The following NXPH1 variants were observed in gnomAD, a reference collection of about 807,000 sequenced individuals.
NXPH1 encodes the protein neurexophilin-1.
NXPH1 carries 5 observed loss-of-function variants against 23.7 expected under a neutral mutation model. The ratio of observed to expected loss-of-function variants is 0.21; its 90% CI spans 0.11 to 0.44. The LOEUF is 0.44. NXPH1 is among the 20% of genes least tolerant of loss of function. NXPH1 has a pLI of 0.99. For synonymous variants in NXPH1, 144 were observed against 122.2 expected (o/e 1.18, Z -1.18); for missense variants, 324 against 321.6 (o/e 1.01, Z -0.06).
intron 2 of NXPH1, among the ~76,000 whole-genome samples, chr7:8,477,137 T>A (rs1816987472): frequency 6.6e-6 from 1 of 152,112 alleles, no homozygotes; most frequent in Non-Finnish European, 1.5e-5. Flanking sequence ...TTCTTGGTTC[T>A]AAAATGGAGA....
chr7:8,700,677 C>G (rs1035746838), intron 2 of NXPH1, among the ~76,000 whole-genome samples: 1 of 152,058 alleles, frequency 6.6e-6, no homozygotes, highest in Non-Finnish European at 1.5e-5. Flanking sequence ...CCATGAAGAG[C>G]AGTGTTTGCA....
chr7:8,581,862 C>T (rs1818880556), intron 2 of NXPH1, among the ~76,000 whole-genome samples: 2 of 152,136 alleles, frequency 1.3e-5, no homozygotes, highest in African/African-American at 4.8e-5. Context: ...TCATGGGCTC[C>T]TTGGGGTGTT....
intron 2 of NXPH1, among the ~76,000 whole-genome samples, chr7:8,619,145 G>A (rs371430272): frequency 3.9e-5 from 6 of 152,248 alleles, no homozygotes; most frequent in African/African-American, 9.6e-5. Context: ...TACCCTTGGC[G>A]AACGTTTCTG....
chr7:8,718,666 C>T (rs780784318), intron 2 of NXPH1, among the ~76,000 whole-genome samples: 104 of 152,068 alleles, frequency 6.8e-4, no homozygotes, highest in Admixed American at 1.8e-3. Context: ...TCCGAATCTT[C>T]CTAAAGTCAC....
intron 2 of NXPH1, among the ~76,000 whole-genome samples, chr7:8,458,125 T>G (rs1346343965): frequency 1.3e-5 from 2 of 152,272 alleles, no homozygotes; most frequent in East Asian, 3.8e-4. Flanking sequence ...AGATTTAATC[T>G]GATTGCATAT....
chr7:8,737,819 C>G (rs1303863660), intron 2 of NXPH1, among the ~76,000 whole-genome samples: 4 of 152,120 alleles, frequency 2.6e-5, no homozygotes, highest in African/African-American at 9.7e-5. Flanking sequence ...TTCTTGGAGG[C>G]TTTGTTCATT....
intron 2 of NXPH1, among the ~76,000 whole-genome samples, chr7:8,545,972 G>C (rs769786968): frequency 6.6e-6 from 1 of 151,500 alleles, no homozygotes; most frequent in Admixed American, 6.6e-5. Context: ...AGTGGGTAGA[G>C]AGACCAGCTG....
intron 2 of NXPH1, among the ~76,000 whole-genome samples, chr7:8,515,964 A>T (rs144834614): frequency 1.2e-4 from 18 of 151,960 alleles, no homozygotes; most frequent in African/African-American, 3.9e-4. Context: ...CCTCTCACAC[A>T]CTCATGCATA....
intron 2 of NXPH1, among the ~76,000 whole-genome samples, chr7:8,470,348 T>A (rs113327075): frequency 6.6e-6 from 1 of 152,164 alleles, no homozygotes; most frequent in Non-Finnish European, 1.5e-5. Flanking sequence ...GTTTTTGATA[T>A]GTGGTCAAGA....
intron 2 of NXPH1, among the ~76,000 whole-genome samples, chr7:8,616,645 G>A (rs554992153): frequency 1.3e-5 from 2 of 152,116 alleles, no homozygotes; most frequent in South Asian, 4.1e-4. Flanking sequence ...CCCAAGGCAG[G>A]TAGAAGCATG....
intron 2 of NXPH1, among the ~76,000 whole-genome samples, chr7:8,599,570 A>G (rs1263340506): frequency 6.6e-6 from 1 of 152,142 alleles, no homozygotes; most frequent in Non-Finnish European, 1.5e-5. Flanking sequence ...TTACCTATTC[A>G]TCAGGCATGG....
intron 2 of NXPH1, among the ~76,000 whole-genome samples, chr7:8,461,640 C>G (rs1816696367): frequency 6.6e-6 from 1 of 150,584 alleles, no homozygotes; most frequent in Non-Finnish European, 1.5e-5. Flanking sequence ...ACCATCCTGG[C>G]TAACAAGGTG....
In NXPH1 at chr7:8,752,388, G is replaced by T. The variant is rs938826754; in HGVS notation, c.*619G>T. ...AGCATACAGTAGGCACATTCAAAGT[G>T]GTCCAAGATGGCTCTTTTTTCTTTG... On this transcript the variant is annotated 3_prime_UTR_variant, in exon 3 of 3. Transcript: ENST00000405863. The T allele has an allele frequency of 1.3e-5, 2 of 152,552 alleles. No individual in the cohort carries two copies. The highest frequency in any genetic ancestry group is 6.6e-5 in the Admixed American group (1 of 15,254). 9.4% of individuals were successfully genotyped at this position (152,552 alleles called of 1,614,324 possible).
intron 2 of NXPH1, among the ~76,000 whole-genome samples, chr7:8,554,267 A>G (rs907303160): frequency 5.9e-5 from 9 of 151,668 alleles, no homozygotes; most frequent in African/African-American, 2.4e-5. Context: ...CTAAAATACA[A>G]TAATAGCCAG....
At chr7:8,618,004 T>C (rs76163300) in intron 2 of NXPH1, among the ~76,000 whole-genome samples, 4,886 of 152,152 alleles carry the variant, frequency 0.032, 269 homozygotes, top group African/African-American at 0.11. Context: ...ATCTATTATG[T>C]ACCCACAAAA....
At chr7:8,626,502 C>G (rs756449260) in intron 2 of NXPH1, among the ~76,000 whole-genome samples, 3 of 151,868 alleles carry the variant, frequency 2.0e-5, no homozygotes, top group African/African-American at 4.8e-5. Context: ...TGAGGGACTC[C>G]TTTCCAAGCA....
intron 2 of NXPH1, among the ~76,000 whole-genome samples, chr7:8,655,240 C>T (rs1372965939): frequency 1.3e-5 from 2 of 152,006 alleles, no homozygotes; most frequent in African/African-American, 4.8e-5. Context: ...CAAAAATTAG[C>T]TGGCCGTGGT....
At chr7:8,738,730 A>C (rs923312387) in intron 2 of NXPH1, among the ~76,000 whole-genome samples, 6 of 152,050 alleles carry the variant, frequency 3.9e-5, no homozygotes, top group African/African-American at 1.4e-4. Flanking sequence ...CACAGCTACC[A>C]CTTCCCCCAG....
At chr7:8,681,884 A>G (rs1023760164) in intron 2 of NXPH1, among the ~76,000 whole-genome samples, 1 of 152,182 alleles carries the variant, frequency 6.6e-6, no homozygotes. Context: ...TCCAGCCCAT[A>G]TGTGCGTCAT....
Sources: allele counts gnomAD v4.1 joint callset (sites outside exome capture counted in the v4.1 genomes callset), GRCh38; gene constraint gnomAD v4.1.1; transcripts MANE v1.5; gene names NCBI Gene and HGNC (gene_info 2026-07-23, HGNC 2026-07-21).